The following DNAJC9 variants were observed in gnomAD, a reference collection of about 807,000 sequenced individuals.
The protein encoded by DNAJC9 is DnaJ heat shock protein family (Hsp40) member C9.
DNAJC9 carries 18 observed loss-of-function variants against 32.4 expected under a neutral mutation model. That is an observed-to-expected ratio of 0.56 (90% CI 0.38 to 0.82). The LOEUF is 0.82. DNAJC9 is among the 40% of genes least tolerant of loss of function. The pLI is 0.00. For synonymous variants in DNAJC9, 113 were observed against 122.1 expected, an observed-to-expected ratio of 0.93 and a Z score of 0.49; for missense variants, 310 against 321.8, an observed-to-expected ratio of 0.96 and a Z score of 0.28.
At position 73,244,718 on chromosome 10, in the gene DNAJC9, G is replaced by C. The variant is rs527301618; in HGVS notation, c.577-789C>G. Among the ~76,000 whole-genome samples the C allele has an allele frequency of 1.5e-4, 23 of 151,514 alleles. No homozygotes were observed. In the South Asian group the frequency reaches 4.8e-3, roughly 31 times the overall value. On this transcript the variant is annotated intron_variant, in intron 3 of 4. Coordinates refer to ENST00000372950, the MANE Select transcript of DNAJC9 (RefSeq NM_015190.5). ...TTTCAAAGCAGCCTTCCTTTGCCAA[G>C]TGTTCCTAGAGCATTGTTTACAAAA...
downstream of DNAJC9, among the ~76,000 whole-genome samples, chr10:73,240,460 C>T (rs2043916997): frequency 6.6e-6 from 1 of 152,138 alleles, no homozygotes; most frequent in Non-Finnish European, 1.5e-5. Flanking sequence ...TGCCTGTAAT[C>T]CCAGCACTTT....
downstream of DNAJC9, chr10:73,235,431 G>A (rs2043800176): frequency 6.8e-7 from 1 of 1,472,118 alleles, no homozygotes. Flanking sequence ...CAGAATAAAA[G>A]TTGAGTTTCC....
rs1055755285 is a variant in DNAJC9 at position 73,246,892 on chromosome 10, T to C, written c.181-64A>G. 6 of 1,607,776 alleles carry C rather than the reference T, an allele frequency of 3.7e-6. No individual in the cohort carries two copies. In the African/African-American group the frequency reaches 5.4e-5, roughly 14 times the overall value. On this transcript the variant is annotated intron_variant, in intron 1 of 4. Transcript: ENST00000372950. ...CCCACCGAAACGGCGGCGCGAGAAA[T>C]AAAGATCAGAAGGCGCCAAGCGGAG...
rs1008004731 is a variant in DNAJC9, at chr10:73,247,204, C to G, written c.-15G>C. 4 of 1,582,622 alleles carry G rather than the reference C, an allele frequency of 2.5e-6. No homozygotes were observed. Among genetic ancestry groups the G allele is most frequent in the Admixed American group, 1.8e-5 (1 of 55,992 alleles). On this transcript the variant is annotated 5_prime_UTR_variant, in exon 1 of 5. Coordinates refer to ENST00000372950, the MANE Select transcript of DNAJC9 (RefSeq NM_015190.5). ...AGCAGCCCCATGCCGGGCGGAGATA[C>G]GACCCCGGAGGAAGCAGCCGCTCCC...
downstream of DNAJC9, among the ~76,000 whole-genome samples, chr10:73,237,191 A>T (rs1167401144): frequency 6.6e-6 from 1 of 152,174 alleles, no homozygotes. Flanking sequence ...TTCCAGGTGG[A>T]CATAAATTTT....
At position 73,247,211 on chromosome 10, in the gene DNAJC9, G is replaced by A. The variant is rs755221625; in HGVS notation, c.-22C>T. On this transcript the variant is annotated 5_prime_UTR_variant, in exon 1 of 5. Coordinates refer to ENST00000372950, the MANE Select transcript of DNAJC9 (RefSeq NM_015190.5). ...CCATGCCGGGCGGAGATACGACCCC[G>A]GAGGAAGCAGCCGCTCCCAGCTGCG... The A allele has an allele frequency of 3.9e-5, 61 of 1,577,926 alleles. No individual in the cohort carries two copies. The highest frequency in any genetic ancestry group is 2.0e-4 in the Admixed American group (11 of 55,204).
downstream of DNAJC9, among the ~76,000 whole-genome samples, chr10:73,238,563 G>A (rs934878050): frequency 3.9e-5 from 6 of 152,354 alleles, no homozygotes; most frequent in South Asian, 2.1e-4. Context: ...CCATAACAGC[G>A]AAGCTGAGTA....
intron 2 of DNAJC9, chr10:73,232,814 G>T (rs2043736113): frequency 1.6e-6 from 1 of 629,326 alleles, no homozygotes; most frequent in Non-Finnish European, 2.8e-6. Flanking sequence ...TTATTGAAAG[G>T]TTTTTATTTT....
chr10:73,246,959 C>A, intron 1 of DNAJC9, 51 bp downstream of exon 1: 1 of 1,558,666 alleles, frequency 6.4e-7, no homozygotes, highest in South Asian at 1.2e-5. Context: ...AGCCAAAAGG[C>A]TAGGGGGAGG....
At chr10:73,244,619 G>A (rs2043987331) in intron 3 of DNAJC9, 1 of 150,088 alleles carries the variant, frequency 6.7e-6, no homozygotes, top group African/African-American at 2.5e-5. Flanking sequence ...AACAACCCCA[G>A]TTTAAAATGA....
At chr10:73,235,027 T>C (rs1484882230), downstream of DNAJC9, 9 of 1,503,302 alleles carry the variant, frequency 6.0e-6, no homozygotes, top group East Asian at 4.9e-5. Context: ...CTGATCTTGA[T>C]TTATACTGTG....
At chr10:73,244,113 C>T in intron 3 of DNAJC9, 184 bp from the exon 4 acceptor site, 1 of 581,680 alleles carries the variant, frequency 1.7e-6, no homozygotes, top group Non-Finnish European at 3.0e-6. Context: ...GCAGTAGATC[C>T]TCTGATTCCA....
chr10:73,243,567 A>G (rs1001878840), intron 4 of DNAJC9, 48 bp from the exon 5 acceptor site: 13 of 1,610,658 alleles, frequency 8.1e-6, no homozygotes, highest in African/African-American at 1.3e-5. Context: ...ATCCATAGAC[A>G]GAAAGTACCT....
rs749065016 is a variant in DNAJC9 at position 73,245,999 on chromosome 10, T to C, written c.499A>G (p.Ile167Val). 23 of 1,613,628 alleles carry C rather than the reference T, an allele frequency of 1.4e-5. No homozygotes were observed. Among genetic ancestry groups the C allele is most frequent in the Middle Eastern group, 1.6e-4 (1 of 6,078 alleles). The change falls in exon 3 of 5, where the codon ATT (isoleucine) becomes GTT (valine). Residue 167 changes from isoleucine (I) to valine (V), a missense_variant. By Grantham distance (29) the Ile-to-Val change is conservative. Coordinates refer to ENST00000372950, the MANE Select transcript of DNAJC9 (RefSeq NM_015190.5). Reference sequence around the variant, plus strand: ...TAGGATGGGACCTCTCCGGCGTCAATAGCTTGCTGAATGATATTCCTTATC... The same window carrying C: ...TAGGATGGGACCTCTCCGGCGTCAACAGCTTGCTGAATGATATTCCTTATC... ...PRIRNIIQQA[I>V]DAGEVPSYNA...
downstream of DNAJC9, chr10:73,241,035 T>A (rs369415918): frequency 2.9e-3 from 4,113 of 1,425,390 alleles, 11 homozygotes; most frequent in Middle Eastern, 3.5e-3. Context: ...ATGAGAAGAA[T>A]CTATCAGGCT....
downstream of DNAJC9, among the ~76,000 whole-genome samples, chr10:73,240,548 TA>T (rs558110259): frequency 1.8e-3 from 281 of 152,020 alleles, 2 homozygotes; most frequent in African/African-American, 6.6e-3. Context: ...CCATCTCTAC[TA>T]AAAATACAAA....
rs1161844326 is a variant in DNAJC9, at chr10:73,246,731, T to C, written c.278A>G (p.Gln93Arg). Reference sequence around the variant, plus strand: ...CCAATACGCCTCCCAGTCTCGGTCTTGGGTGAGCACAGGAGAGTCCTCGTC... The same window carrying C: ...CCAATACGCCTCCCAGTCTCGGTCTCGGGTGAGCACAGGAGAGTCCTCGTC... ...TVDEDSPVLT[Q>R]DRDWEAYWRL... The change falls in exon 2 of 5, where the codon CAA becomes CGA. Residue 93 changes from glutamine to arginine, a missense_variant. Coordinates refer to ENST00000372950, the MANE Select transcript of DNAJC9 (RefSeq NM_015190.5). 6 of 1,614,052 alleles carry C rather than the reference T, an allele frequency of 3.7e-6. No individual in the cohort carries two copies. In the East Asian group the frequency reaches 8.9e-5, roughly 24 times the overall value.
At chr10:73,235,484 C>G, downstream of DNAJC9, 1 of 1,417,358 alleles carries the variant, frequency 7.1e-7, no homozygotes, top group Non-Finnish European at 9.2e-7. Flanking sequence ...CAAATTCTAA[C>G]TAGTCCCTGA....
Position 73,247,224 on chromosome 10 carries a change from G to A in DNAJC9, c.-35C>T, listed in dbSNP as rs539266776. 180 of 1,566,596 alleles carry A rather than the reference G, an allele frequency of 1.1e-4. No homozygotes were observed. The African/African-American group carries it at 2.2e-3, about 19-fold the overall frequency. On this transcript the variant is annotated 5_prime_UTR_variant, in exon 1 of 5. Coordinates refer to ENST00000372950, the MANE Select transcript of DNAJC9 (RefSeq NM_015190.5). ...AGATACGACCCCGGAGGAAGCAGCC[G>A]CTCCCAGCTGCGCCGGGTACAACCC...
Sources: gnomAD v4.1 joint callset for allele counts (sites outside exome capture counted in the v4.1 genomes callset) on GRCh38, gnomAD v4.1.1 for gene constraint, MANE v1.5 for transcripts, NCBI Gene and HGNC (gene_info 2026-07-23, HGNC 2026-07-21) for gene names.